REEP1: variants seen among roughly 807,000 people sequenced by gnomAD.
REEP1 encodes receptor expression-enhancing protein 1.
Under a neutral mutation model 40.3 loss-of-function variants are expected in REEP1, and 22 were observed. The observed-to-expected ratio is 0.55, with a 90% CI of 0.39 to 0.78. The LOEUF is 0.78. Among genes scored for constraint, REEP1 ranks in the 30% least tolerant of loss-of-function variants. The probability of loss-of-function intolerance (pLI) is 0.00; values close to 1 mark genes in which losing one functional copy is unlikely to be tolerated. For missense variants in REEP1, 280 were observed against 361.1 expected, an observed-to-expected ratio of 0.78 and a Z score of 1.82; for synonymous variants, 116 against 139.2, an observed-to-expected ratio of 0.83 and a Z score of 1.17.
chr2:86,334,530 G>A (rs1680920952), intron 1 of REEP1, among the ~76,000 whole-genome samples: 1 of 152,170 alleles, frequency 6.6e-6, no homozygotes, highest in Non-Finnish European at 1.5e-5. Flanking sequence ...TTCTTCACCA[G>A]CTCATCTTGT....
intron 5 of REEP1, among the ~76,000 whole-genome samples, chr2:86,249,259 C>CAAA (rs34241108): frequency 7.1e-6 from 1 of 141,812 alleles, no homozygotes; most frequent in Non-Finnish European, 1.5e-5. Context: ...GACTACATCT[C>CAAA]AAAAAAAAAA....
At chr2:86,312,532 C>G (rs1679811612) in intron 1 of REEP1, among the ~76,000 whole-genome samples, 1 of 152,124 alleles carries the variant, frequency 6.6e-6, no homozygotes, top group South Asian at 2.1e-4. Context: ...CTTCACGGCT[C>G]TAATATGTAA....
intron 5 of REEP1, among the ~76,000 whole-genome samples, chr2:86,237,924 G>A (rs1675446984): frequency 1.3e-5 from 2 of 152,132 alleles, no homozygotes; most frequent in African/African-American, 2.4e-5. Flanking sequence ...GCTCATGCCT[G>A]TAATCCCAGC....
chr2:86,240,429 TCTCA>T (rs1476483826), intron 5 of REEP1, among the ~76,000 whole-genome samples: 1 of 152,198 alleles, frequency 6.6e-6, no homozygotes, highest in Non-Finnish European at 1.5e-5. Context: ...GGCCTCATCC[TCTCA>T]CACAAGGGGT....
At chr2:86,303,127 C>T (rs1034612963) in intron 1 of REEP1, among the ~76,000 whole-genome samples, 3 of 151,686 alleles carry the variant, frequency 2.0e-5, no homozygotes, top group Admixed American at 6.6e-5. Context: ...ACTGTACCTT[C>T]GAATTCCTAG....
Position 86,215,939 on chromosome 2 carries a change from C to T in REEP1, c.*1100G>A, listed in dbSNP as rs2103937297. On this transcript the variant is annotated 3_prime_UTR_variant, in exon 9 of 9. Transcript: ENST00000538924. The stretch of plus-strand genomic sequence containing the variant: ...CGAGCTCCAAAACCATTCTAGAGCC[C>T]ACCATTTTGATTGTTACACATGTGT... 1 of 152,254 alleles carries T rather than the reference C, an allele frequency of 6.6e-6. No homozygotes were observed. Among genetic ancestry groups the T allele is most frequent in the African/African-American group, 2.4e-5 (1 of 41,536 alleles). 9.4% of individuals were successfully genotyped at this position (152,254 alleles called of 1,614,324 possible). A position where few individuals can be genotyped will look rare whatever the true frequency, so the allele number is the denominator to read the frequency against.
chr2:86,300,972 C>G (rs1342733821), intron 1 of REEP1, among the ~76,000 whole-genome samples: 2 of 152,172 alleles, frequency 1.3e-5, no homozygotes, highest in African/African-American at 4.8e-5. Flanking sequence ...CCAGGTTGCG[C>G]TGGCACCAAA....
At chr2:86,293,069 AATTCATTCATTC>A (rs10524777) in intron 1 of REEP1, among the ~76,000 whole-genome samples, 15 of 150,952 alleles carry the variant, frequency 9.9e-5, no homozygotes, top group Non-Finnish European at 1.6e-4. Flanking sequence ...TAAGAGGTTA[AATTCATTCATTC>A]ATTCATTCAT....
At chr2:86,328,556 G>A (rs1680618849) in intron 1 of REEP1, among the ~76,000 whole-genome samples, 1 of 152,350 alleles carries the variant, frequency 6.6e-6, no homozygotes, top group South Asian at 2.1e-4. Flanking sequence ...GCGGGCACCT[G>A]TAGTCCCGGC....
At chr2:86,234,122 T>C (rs1675167347) in intron 5 of REEP1, among the ~76,000 whole-genome samples, 1 of 151,860 alleles carries the variant, frequency 6.6e-6, no homozygotes, top group African/African-American at 2.4e-5. Flanking sequence ...AGCACAGCAA[T>C]TCGCTGAAGT....
chr2:86,249,675 G>C (rs761839508), intron 5 of REEP1, among the ~76,000 whole-genome samples: 4 of 151,836 alleles, frequency 2.6e-5, no homozygotes, highest in African/African-American at 4.8e-5. Flanking sequence ...AGCCAGATTT[G>C]GACCCACTGG....
chr2:86,265,603 C>A (rs1677089761), intron 2 of REEP1, among the ~76,000 whole-genome samples: 1 of 152,042 alleles, frequency 6.6e-6, no homozygotes, highest in Non-Finnish European at 1.5e-5. Flanking sequence ...TGGAATACTA[C>A]CCAACCATAA....
At chr2:86,292,335 A>G (rs1211846403) in intron 1 of REEP1, among the ~76,000 whole-genome samples, 1 of 152,226 alleles carries the variant, frequency 6.6e-6, no homozygotes, top group East Asian at 1.9e-4. Context: ...GCAAATGCCA[A>G]TTCTTTTAAC....
chr2:86,246,630 T>C (rs575637192), intron 5 of REEP1, among the ~76,000 whole-genome samples: 10 of 152,174 alleles, frequency 6.6e-5, no homozygotes, highest in African/African-American at 1.2e-4. Flanking sequence ...GGAGACCCCA[T>C]GGTTTTAAAA....
At chr2:86,332,635 T>A (rs1478219689) in intron 1 of REEP1, among the ~76,000 whole-genome samples, 2 of 152,164 alleles carry the variant, frequency 1.3e-5, no homozygotes, top group Non-Finnish European at 2.9e-5. Flanking sequence ...GTGGGGAGAC[T>A]GACCCAGTAA....
rs760434437 is a variant in REEP1, at chr2:86,263,949, C to T, written c.182+16G>A. 3 of 1,601,118 alleles carry T rather than the reference C, an allele frequency of 1.9e-6. No homozygotes were observed. Among genetic ancestry groups the T allele is most frequent in the Non-Finnish European group, 2.6e-6 (3 of 1,168,128 alleles). ...AAAATTGTCCTTAGAAACATCCCAA[C>T]TCCTGGAGTACTTACCAACAAAGGA... On this transcript the variant is annotated intron_variant, in intron 3 of 8. Coordinates refer to ENST00000538924, the MANE Select transcript of REEP1 (RefSeq NM_001371279.1).
At chr2:86,338,068 T>G (rs1229225088), upstream of REEP1, 1 of 1,537,264 alleles carries the variant, frequency 6.5e-7, no homozygotes, top group East Asian at 2.4e-5. Context: ...TGCTCAGCAC[T>G]TTCTGCATAA....
chr2:86,232,602 A>G, intron 6 of REEP1, 23 bp downstream of exon 6: 2 of 1,610,762 alleles, frequency 1.2e-6, no homozygotes, highest in Non-Finnish European at 1.7e-6. Flanking sequence ...AGTGGGAAAG[A>G]GGGGAAGTAA....
At chr2:86,294,831 A>G (rs1389029146) in intron 1 of REEP1, among the ~76,000 whole-genome samples, 1 of 152,206 alleles carries the variant, frequency 6.6e-6, no homozygotes, top group Non-Finnish European at 1.5e-5. Flanking sequence ...TGTGTGGCTC[A>G]TAAGAAATTA....
Sources: gnomAD v4.1 joint callset for allele counts (sites outside exome capture counted in the v4.1 genomes callset) on GRCh38, gnomAD v4.1.1 for gene constraint, MANE v1.5 for transcripts, NCBI Gene and HGNC (gene_info 2026-07-23, HGNC 2026-07-21) for gene names.